Variants in NWD2 observed in about 807,000 individuals in gnomAD.
The protein encoded by NWD2 is NACHT and WD repeat domain containing 2.
Under a neutral mutation model 132.7 loss-of-function variants are expected in NWD2, and 37 were observed. That is an observed-to-expected ratio of 0.28 (90% CI 0.21 to 0.37). NWD2 has a LOEUF of 0.37. Ranked by LOEUF, NWD2 falls within the 10% of genes least tolerant of loss-of-function variation. NWD2 has a pLI of 1.00. For missense variants in NWD2, 1,592 were observed against 2,122.4 expected (o/e 0.75, Z 4.91); for synonymous variants, 705 against 803.0 (o/e 0.88, Z 2.06).
chr4:37,314,062 A>G (rs1194308075), intron 1 of NWD2, among the ~76,000 whole-genome samples: 4 of 152,168 alleles, frequency 2.6e-5, no homozygotes, highest in Admixed American at 6.5e-5. Context: ...TCTATTGAGC[A>G]GTCATGTGGT....
chr4:37,435,180 G>C (rs894664962), intron 5 of NWD2, among the ~76,000 whole-genome samples: 1 of 152,152 alleles, frequency 6.6e-6, no homozygotes, highest in Non-Finnish European at 1.5e-5. Context: ...AGTAAAAGTA[G>C]TCAGATGTGT....
At position 37,433,924 on chromosome 4, in the gene NWD2, T is replaced by A; in HGVS notation, c.610T>A (p.Ser204Thr). Reference protein sequence around the residue: ...AENEKTWQEISDEIKKIFKAA... With the variant: ...AENEKTWQEITDEIKKIFKAA... ...AAACGAGAAGACATGGCAAGAGATATCAGATGAGATCAAGAAGATATTTAA... is the reference window on the plus strand; with the variant it reads ...AAACGAGAAGACATGGCAAGAGATAACAGATGAGATCAAGAAGATATTTAA... The change falls in exon 5 of 7, where the codon TCA becomes ACA. Residue 204 changes from serine (S) to threonine (T), a missense_variant. By Grantham distance (58) the Ser-to-Thr change is moderately conservative. This residue lies in a region of NWD2 where 144 missense variants were observed against 185.7 expected (regional missense o/e 0.78). Transcript: ENST00000309447. 1 of 1,549,254 alleles carries A rather than the reference T, an allele frequency of 6.5e-7. No homozygotes were observed. Among genetic ancestry groups the A allele is most frequent in the Non-Finnish European group, 8.7e-7 (1 of 1,145,348 alleles).
chr4:37,251,224 A>G (rs1717353423), intron 1 of NWD2, among the ~76,000 whole-genome samples: 1 of 152,230 alleles, frequency 6.6e-6, no homozygotes, highest in South Asian at 2.1e-4. Flanking sequence ...GGCAGCAGTG[A>G]GCTGAGATCA....
At chr4:37,370,359 ATATT>A (rs1167414132) in intron 3 of NWD2, among the ~76,000 whole-genome samples, 1 of 152,228 alleles carries the variant, frequency 6.6e-6, no homozygotes, top group East Asian at 1.9e-4. Flanking sequence ...CTGGACTAGA[ATATT>A]TATATGCCAC....
intron 3 of NWD2, among the ~76,000 whole-genome samples, chr4:37,386,880 C>T (rs1477503367): frequency 2.0e-5 from 3 of 149,394 alleles, no homozygotes; most frequent in Non-Finnish European, 2.9e-5. Context: ...CCTCTCTTTC[C>T]GTGTGTCATG....
chr4:37,313,846 C>T (rs1235321079), intron 1 of NWD2, among the ~76,000 whole-genome samples: 2 of 150,836 alleles, frequency 1.3e-5, no homozygotes, highest in East Asian at 3.9e-4. Flanking sequence ...TTACAGGCAC[C>T]TGCCCACACG....
At chr4:37,438,020 G>A (rs1712368219) in intron 5 of NWD2, among the ~76,000 whole-genome samples, 1 of 152,088 alleles carries the variant, frequency 6.6e-6, no homozygotes, top group Non-Finnish European at 1.5e-5. Context: ...CCAGCACTTT[G>A]GGAGGCTGAG....
intron 3 of NWD2, among the ~76,000 whole-genome samples, chr4:37,392,630 T>G (rs1170742384): frequency 1.3e-5 from 2 of 152,172 alleles, no homozygotes; most frequent in Non-Finnish European, 2.9e-5. Context: ...TTAGCGAAAC[T>G]AGGATCAAAT....
At position 37,245,007 on chromosome 4, in the gene NWD2, G is replaced by A; in HGVS notation, c.-61G>A. On this transcript the variant is annotated 5_prime_UTR_variant, in exon 1 of 7. Transcript: ENST00000309447. ...TGCTGAGCCGTTCCGTGGAGCTGCG[G>A]GCAGGAACCCGAGGAGCAGGAGGTG... is the stretch of plus-strand genomic sequence containing the variant. 6.5e-7 allele frequency: 1 copy of A among 1,534,970 alleles called. No homozygotes were observed. Among genetic ancestry groups the A allele is most frequent in the African/African-American group, 1.4e-5 (1 of 72,764 alleles).
chr4:37,430,777 T>C lies in NWD2; in HGVS notation c.561+2T>C, dbSNP rs1422954954. ...ATGCTGAGAAGCAATAGAAATGCAG[T>C]AAGCTGCCTTTCCCTCAAGCCTATG... is the stretch of plus-strand genomic sequence containing the variant. On this transcript the variant is annotated splice_donor_variant, in intron 4 of 6. Coordinates refer to ENST00000309447, the MANE Select transcript of NWD2 (RefSeq NM_001144990.2). LOFTEE classifies it high-confidence loss of function. 5.2e-6 allele frequency: 8 copies of C among 1,548,800 alleles called. No homozygotes were observed. The highest frequency in any genetic ancestry group is 7.0e-6 in the Non-Finnish European group (8 of 1,144,496).
chr4:37,373,735 G>A (rs532361759), intron 3 of NWD2, among the ~76,000 whole-genome samples: 1 of 152,310 alleles, frequency 6.6e-6, no homozygotes, highest in Middle Eastern at 3.4e-3. Flanking sequence ...GAGAAGAAGA[G>A]CTGACCAACA....
At chr4:37,442,941 G>T (rs1712524407) in intron 6 of NWD2, among the ~76,000 whole-genome samples, 1 of 151,860 alleles carries the variant, frequency 6.6e-6, no homozygotes, top group African/African-American at 2.4e-5. Flanking sequence ...TATTCATTCA[G>T]TGATACAAAG....
At chr4:37,253,103 G>A (rs1192846950) in intron 1 of NWD2, among the ~76,000 whole-genome samples, 2 of 151,772 alleles carry the variant, frequency 1.3e-5, no homozygotes, top group African/African-American at 2.4e-5. Context: ...AAGTATGATA[G>A]TAAGTCCTCA....
intron 3 of NWD2, among the ~76,000 whole-genome samples, chr4:37,377,701 A>T (rs1720372806): frequency 6.6e-6 from 1 of 152,240 alleles, no homozygotes; most frequent in Admixed American, 6.5e-5. Context: ...GTTGCACTCC[A>T]GCCTGGGCAA....
intron 4 of NWD2, among the ~76,000 whole-genome samples, chr4:37,431,749 G>GA (rs949836920): frequency 9.9e-5 from 15 of 152,032 alleles, no homozygotes; most frequent in Non-Finnish European, 1.3e-4. Context: ...AAAATTTAAT[G>GA]AAAAAAACTA....
chr4:37,387,217 A>T (rs971191556), intron 3 of NWD2, among the ~76,000 whole-genome samples: 5 of 152,210 alleles, frequency 3.3e-5, no homozygotes, highest in Non-Finnish European at 5.9e-5. Flanking sequence ...ACTAGAAAAA[A>T]TTAAAAACAA....
chr4:37,336,960 A>AAC (rs1719421452), intron 2 of NWD2, among the ~76,000 whole-genome samples: 1 of 151,076 alleles, frequency 6.6e-6, no homozygotes, highest in African/African-American at 2.4e-5. Flanking sequence ...AAGAAAAAAA[A>AAC]AAAAAAAAAA....
At position 37,399,619 on chromosome 4, in the gene NWD2, A is replaced by G. The variant is rs547039950; in HGVS notation, c.358-30953A>G. On this transcript the variant is annotated intron_variant, in intron 3 of 6. Coordinates refer to ENST00000309447, the MANE Select transcript of NWD2 (RefSeq NM_001144990.2). ...AAGACCTCTTTCTCCAATTCTGCCT[A>G]TTGTTGATGTGAAGTGACCTCTGAC... Among the ~76,000 whole-genome samples, 9 of 152,296 alleles carry G rather than the reference A, an allele frequency of 5.9e-5. No homozygotes were observed. The South Asian group carries it at 1.9e-3, about 32-fold the overall frequency.
intron 1 of NWD2, among the ~76,000 whole-genome samples, chr4:37,313,762 G>A (rs1167593282): frequency 2.6e-5 from 4 of 151,046 alleles, no homozygotes; most frequent in Non-Finnish European, 4.4e-5. Flanking sequence ...GCAGTGATGC[G>A]ATCTCAGCTC....
Sources: allele counts gnomAD v4.1 joint callset (sites outside exome capture counted in the v4.1 genomes callset), GRCh38; gene constraint gnomAD v4.1.1; regional missense constraint gnomAD v4.1.1; transcripts MANE v1.5; gene names NCBI Gene and HGNC (gene_info 2026-07-23, HGNC 2026-07-21).